C10orf67: variants seen among roughly 807,000 people sequenced by gnomAD.
C10orf67 encodes uncharacterized protein C10orf67, mitochondrial.
A neutral mutation model predicts 35.6 loss-of-function variants in C10orf67; 60 were observed. That is an observed-to-expected ratio of 1.68 (90% confidence interval 1.37 to 2.09). The LOEUF (loss-of-function observed/expected upper bound fraction) is 2.09, where lower values mean the gene tolerates loss of function less well. Among genes scored for constraint, C10orf67 ranks in the 30% most tolerant of loss-of-function variants. C10orf67 has a pLI of 0.00. For missense variants in C10orf67, 474 were observed against 330.2 expected, an observed-to-expected ratio of 1.44 and a Z score of -3.38; for synonymous variants, 167 against 115.8, an observed-to-expected ratio of 1.44 and a Z score of -2.84.
At chr10:23,255,710 A>G (rs917625625) in intron 10 of C10orf67, among the ~76,000 whole-genome samples, 3 of 152,198 alleles carry the variant, frequency 2.0e-5, no homozygotes, top group African/African-American at 7.2e-5. Context: ...GAAAAAAAAA[A>G]GAAATAATAT....
At chr10:23,288,878 T>A (rs1588657028) in intron 7 of C10orf67, among the ~76,000 whole-genome samples, 1 of 152,220 alleles carries the variant, frequency 6.6e-6, no homozygotes, top group East Asian at 1.9e-4. Flanking sequence ...GAACTGTAAA[T>A]GCATTCCTAT....
chr10:23,254,411 C>T (rs1325933631), intron 10 of C10orf67, among the ~76,000 whole-genome samples: 1 of 152,082 alleles, frequency 6.6e-6, no homozygotes, highest in African/African-American at 2.4e-5. Context: ...GGTTTCACCA[C>T]GTTGGCCACG....
At chr10:23,318,019 T>A (rs564634749) in intron 4 of C10orf67, 1 of 147,476 alleles carries the variant, frequency 6.8e-6, no homozygotes, top group South Asian at 2.1e-4. Flanking sequence ...AGAGGATCAC[T>A]TGAGTCCAGA....
At chr10:23,225,143 G>A (rs761068305) in intron 13 of C10orf67, among the ~76,000 whole-genome samples, 99 of 152,318 alleles carry the variant, frequency 6.5e-4, no homozygotes, top group Admixed American at 1.2e-3. Flanking sequence ...CCCACAAAGG[G>A]AAGCCCATCA....
At chr10:23,303,601 T>TAA (rs893139507) in intron 4 of C10orf67, 142 bp from the exon 5 acceptor site, 6 of 428,948 alleles carry the variant, frequency 1.4e-5, no homozygotes, top group Admixed American at 1.3e-4. Flanking sequence ...TTGTGAAGGT[T>TAA]ATTTTTGTAA....
chr10:23,245,460 C>T (rs1270686219), intron 12 of C10orf67, among the ~76,000 whole-genome samples: 1 of 152,174 alleles, frequency 6.6e-6, no homozygotes, highest in Non-Finnish European at 1.5e-5. Context: ...AACCATACAT[C>T]TTATCTGATA....
chr10:23,289,443 T>C (rs925157754), intron 7 of C10orf67, among the ~76,000 whole-genome samples: 1 of 152,162 alleles, frequency 6.6e-6, no homozygotes, highest in African/African-American at 2.4e-5. Context: ...GGATTACAGG[T>C]GTGAACCACT....
At chr10:23,274,597 T>A (rs993180245) in intron 8 of C10orf67, among the ~76,000 whole-genome samples, 2 of 152,142 alleles carry the variant, frequency 1.3e-5, no homozygotes, top group African/African-American at 4.8e-5. Context: ...CTGTCAGACC[T>A]TATGGTTATC....
intron 12 of C10orf67, among the ~76,000 whole-genome samples, chr10:23,243,367 C>T (rs969942894): frequency 6.6e-6 from 1 of 152,036 alleles, no homozygotes; most frequent in African/African-American, 2.4e-5. Flanking sequence ...ATATTTAGAA[C>T]TCTTCACCCA....
chr10:23,248,363 G>A (rs2132153633), intron 12 of C10orf67, among the ~76,000 whole-genome samples: 1 of 152,322 alleles, frequency 6.6e-6, no homozygotes, highest in African/African-American at 2.4e-5. Flanking sequence ...AGTCGCATCA[G>A]GCTTGGCACA....
chr10:23,204,313 C>T, intron 15 of C10orf67, 58 bp from the exon 16 acceptor site: 1 of 491,506 alleles, frequency 2.0e-6, no homozygotes, highest in Non-Finnish European at 3.8e-6. Context: ...ATACACAGAC[C>T]ACTTCCCACT....
chr10:23,223,194 C>T (rs977816894), intron 15 of C10orf67, among the ~76,000 whole-genome samples: 1 of 152,070 alleles, frequency 6.6e-6, no homozygotes, highest in Non-Finnish European at 1.5e-5. Context: ...AATCCTCAAT[C>T]TCCTGATTAG....
intron 7 of C10orf67, among the ~76,000 whole-genome samples, chr10:23,287,277 C>G (rs994577973): frequency 6.6e-6 from 1 of 152,012 alleles, no homozygotes; most frequent in Non-Finnish European, 1.5e-5. Flanking sequence ...CCAAAACAGA[C>G]ATATAGACCA....
intron 1 of C10orf67, among the ~76,000 whole-genome samples, chr10:23,334,350 A>G (rs1845591736): frequency 1.3e-5 from 2 of 152,238 alleles, no homozygotes; most frequent in South Asian, 2.1e-4. Flanking sequence ...CACTCTGTCA[A>G]TTTGATCAAA....
At chr10:23,273,526 T>C (rs577242835) in intron 8 of C10orf67, among the ~76,000 whole-genome samples, 14 of 152,330 alleles carry the variant, frequency 9.2e-5, no homozygotes, top group African/African-American at 3.1e-4. Context: ...AGCATCAGCT[T>C]GCAGTCTGGA....
At chr10:23,299,137 G>T (rs1319756485) in intron 5 of C10orf67, among the ~76,000 whole-genome samples, 1 of 152,050 alleles carries the variant, frequency 6.6e-6, no homozygotes, top group Non-Finnish European at 1.5e-5. Context: ...GGTATAGCTG[G>T]GTATAGAGGA....
At position 23,239,463 on chromosome 10, in the gene C10orf67, C is replaced by T. The variant is rs898098680; in HGVS notation, c.1434+266G>A. ...ATATGCTCCAGGCAGAATGAGTGCC[C>T]GCTCCTCTGAAATTTATACTTGCCC... On this transcript the variant is annotated intron_variant, in intron 13 of 15. Coordinates refer to ENST00000636213, the MANE Select transcript of C10orf67 (RefSeq NM_001371909.1). Among the ~76,000 whole-genome samples the T allele has an allele frequency of 6.6e-5, 10 of 152,250 alleles. 1 individual carries two copies. The highest frequency in any genetic ancestry group is 1.4e-4 in the African/African-American group (6 of 41,544).
intron 15 of C10orf67, among the ~76,000 whole-genome samples, chr10:23,218,813 T>C (rs1007217183): frequency 1.3e-5 from 2 of 152,240 alleles, no homozygotes; most frequent in South Asian, 4.1e-4. Flanking sequence ...TGTTTGGATA[T>C]ACATTGTAAT....
chr10:23,223,744 T>C lies in C10orf67; in HGVS notation c.1509A>G (p.Ser503=), dbSNP rs1461905553. 7.0e-6 allele frequency: 5 copies of C among 716,002 alleles called. No individual in the cohort carries two copies. Among genetic ancestry groups the C allele is most frequent in the Non-Finnish European group, 1.0e-5 (4 of 384,934 alleles). The allele number at this position is 716,002 out of a possible 1,614,324, so 44.4% of individuals were successfully genotyped here. Residue 503 remains serine, a splice_region_variant and synonymous_variant, in exon 14 of 16, where the codon TCA becomes TCG. Transcript: ENST00000636213. The stretch of plus-strand genomic sequence containing the variant: ...TAATAAAGAAAAATAAGCTACTTAC[T>C]GAAGATGTACAATGACTTGAAGAGG... ...AISSSSHCTS[S]IDGKHVDVVS...
Sources: gnomAD v4.1 joint callset for allele counts (sites outside exome capture counted in the v4.1 genomes callset) on GRCh38, gnomAD v4.1.1 for gene constraint, MANE v1.5 for transcripts, NCBI Gene and HGNC (gene_info 2026-07-23, HGNC 2026-07-21) for gene names.